Variants in IMPG1 observed in about 807,000 individuals in gnomAD.
IMPG1 encodes the protein interphotoreceptor matrix proteoglycan 1, also known as interphotoreceptor matrix proteoglycan of 150 kDa.
In IMPG1, 85 loss-of-function variants were observed where a neutral mutation model predicts 92.0. The ratio of observed to expected loss-of-function variants is 0.92; its 90% confidence interval spans 0.78 to 1.11. IMPG1 has a LOEUF of 1.11. Among genes scored for constraint, IMPG1 ranks in the 50% least tolerant of loss-of-function variants. The pLI, the probability that IMPG1 is intolerant of heterozygous loss-of-function variation, is 0.00. For synonymous variants in IMPG1, 367 were observed against 334.1 expected (o/e 1.10, Z -1.08); for missense variants, 1,022 against 956.0 (o/e 1.07, Z -0.91).
rs146392032 is a variant in IMPG1, at chr6:75,980,885, T to A, written c.1291+22033A>T. ...AGTTCTGTCCCTCTAGAGAACCCTG[T>A]GTGTTGGAAATGCAAATTTGTCCTG... is the stretch of plus-strand genomic sequence containing the variant. On this transcript the variant is annotated intron_variant, in intron 12 of 16. Coordinates refer to ENST00000369950, the MANE Select transcript of IMPG1 (RefSeq NM_001563.4). Among the ~76,000 whole-genome samples the A allele has an allele frequency of 1.6e-3, 247 of 152,308 alleles. 4 individuals are homozygous for A. The highest frequency in any genetic ancestry group is 2.7e-3 in the Non-Finnish European group (183 of 68,032).
chr6:75,984,437 T>A (rs546657218), intron 12 of IMPG1, among the ~76,000 whole-genome samples: 1 of 152,260 alleles, frequency 6.6e-6, no homozygotes, highest in African/African-American at 2.4e-5. Context: ...TTGAAGGACA[T>A]TATGTTAAGG....
At chr6:76,030,675 T>C (rs2149486830) in intron 4 of IMPG1, among the ~76,000 whole-genome samples, 1 of 152,272 alleles carries the variant, frequency 6.6e-6, no homozygotes, top group Non-Finnish European at 1.5e-5. Flanking sequence ...AACCAGAGCC[T>C]CGGACAATGG....
chr6:75,937,760 T>C (rs1781771408), intron 14 of IMPG1, among the ~76,000 whole-genome samples: 1 of 152,202 alleles, frequency 6.6e-6, no homozygotes, highest in Admixed American at 6.5e-5. Flanking sequence ...AACAAGCTCG[T>C]TGAGCCACAT....
At chr6:76,044,288 T>C (rs1222112730) in intron 1 of IMPG1, among the ~76,000 whole-genome samples, 2 of 152,206 alleles carry the variant, frequency 1.3e-5, no homozygotes, top group African/African-American at 4.8e-5. Context: ...CTTGTCATAG[T>C]AAAAAGTAAG....
At chr6:76,026,998 TCTGTGTGTGTA>T (rs1013034672) in intron 4 of IMPG1, among the ~76,000 whole-genome samples, 4 of 152,314 alleles carry the variant, frequency 2.6e-5, no homozygotes, top group Admixed American at 2.6e-4. Flanking sequence ...CTTCTGCCTC[TCTGTGTGTGTA>T]CTGTGTGTAA....
At chr6:75,924,706 A>AAT (rs1562335297) in intron 15 of IMPG1, among the ~76,000 whole-genome samples, 327 of 1,570 alleles carry the variant, frequency 0.21, 107 homozygotes, top group East Asian at 0.81. Context: ...AATTATATAT[A>AAT]ATATATAATA....
chr6:75,949,783 T>A (rs979390904), intron 13 of IMPG1, among the ~76,000 whole-genome samples: 2 of 152,138 alleles, frequency 1.3e-5, no homozygotes, highest in Admixed American at 6.5e-5. Flanking sequence ...TTAAAGCAAA[T>A]GTTCACTTGA....
chr6:75,927,527 T>C (rs2149448934), intron 15 of IMPG1, among the ~76,000 whole-genome samples: 1 of 152,268 alleles, frequency 6.6e-6, no homozygotes, highest in Admixed American at 6.5e-5. Flanking sequence ...CTCAGAGCAC[T>C]GCTGTGGTCC....
chr6:76,050,297 G>T (rs1784018791), intron 1 of IMPG1, among the ~76,000 whole-genome samples: 2 of 152,186 alleles, frequency 1.3e-5, no homozygotes, highest in East Asian at 3.9e-4. Context: ...AAAAAAATTA[G>T]CCAGACACAG....
chr6:76,056,626 C>T (rs973278640), intron 1 of IMPG1, among the ~76,000 whole-genome samples: 3 of 152,174 alleles, frequency 2.0e-5, no homozygotes, highest in Admixed American at 6.5e-5. Context: ...CCAAAATAGC[C>T]GTAGTAATTT....
intron 4 of IMPG1, among the ~76,000 whole-genome samples, chr6:76,031,651 ATAT>A (rs1482027165): frequency 6.6e-6 from 1 of 152,242 alleles, no homozygotes; most frequent in African/African-American, 2.4e-5. Flanking sequence ...GTTATATCAA[ATAT>A]TATAGCACTT....
intron 1 of IMPG1, among the ~76,000 whole-genome samples, chr6:76,065,401 G>A (rs1027864628): frequency 1.3e-5 from 2 of 151,976 alleles, no homozygotes; most frequent in African/African-American, 4.8e-5. Flanking sequence ...AAACCTGATA[G>A]GATGTCTGCA....
rs1409598259 is a variant in IMPG1 at position 75,996,006 on chromosome 6, A to G, written c.1291+6912T>C. ...TTGTTGAATGAATAAATGAATGATCACAGCATCCCAGAGAGCCACTGGTAA... is the reference window on the plus strand; with the variant it reads ...TTGTTGAATGAATAAATGAATGATCGCAGCATCCCAGAGAGCCACTGGTAA... On this transcript the variant is annotated intron_variant, in intron 12 of 16. Coordinates refer to ENST00000369950, the MANE Select transcript of IMPG1 (RefSeq NM_001563.4). 2.0e-5 allele frequency among the ~76,000 whole-genome samples: 3 copies of G among 152,256 alleles called. No homozygotes were observed. The East Asian group carries it at 5.8e-4, about 29-fold the overall frequency.
At chr6:75,971,458 T>TA (rs1193182914) in intron 12 of IMPG1, among the ~76,000 whole-genome samples, 1 of 151,696 alleles carries the variant, frequency 6.6e-6, no homozygotes, top group Non-Finnish European at 1.5e-5. Flanking sequence ...CCCTAAAACT[T>TA]AAAGTATAAT....
intron 5 of IMPG1, 26 bp from the exon 6 acceptor site, chr6:76,022,245 C>T (rs368088838): frequency 7.5e-7 from 1 of 1,334,730 alleles, no homozygotes; most frequent in African/African-American, 1.5e-5. Context: ...AAATTAAAGA[C>T]ACAAAAATGA....
chr6:75,966,515 C>G (rs939660458), intron 12 of IMPG1, among the ~76,000 whole-genome samples: 1 of 152,140 alleles, frequency 6.6e-6, no homozygotes, highest in South Asian at 2.1e-4. Flanking sequence ...TTATGCAGCC[C>G]AAAGGCCCTC....
chr6:76,049,271 A>G (rs1391798424), intron 1 of IMPG1, among the ~76,000 whole-genome samples: 3 of 152,204 alleles, frequency 2.0e-5, no homozygotes, highest in South Asian at 4.1e-4. Context: ...TGATGAAATA[A>G]TCTATACAAC....
intron 12 of IMPG1, among the ~76,000 whole-genome samples, chr6:75,976,070 C>G (rs1379722456): frequency 6.6e-6 from 1 of 151,974 alleles, no homozygotes; most frequent in Non-Finnish European, 1.5e-5. Flanking sequence ...TATGTTTGGT[C>G]TGTTCTTTGG....
At chr6:76,047,816 C>T (rs1051961907) in intron 1 of IMPG1, among the ~76,000 whole-genome samples, 1 of 152,144 alleles carries the variant, frequency 6.6e-6, no homozygotes, top group Admixed American at 6.5e-5. Flanking sequence ...TATTGCAACT[C>T]CTCTTTGAAA....
Sources: gnomAD v4.1 joint callset for allele counts (sites outside exome capture counted in the v4.1 genomes callset) on GRCh38, gnomAD v4.1.1 for gene constraint, MANE v1.5 for transcripts, NCBI Gene and HGNC (gene_info 2026-07-23, HGNC 2026-07-21) for gene names.